CNTNAP4: variants seen among roughly 807,000 people sequenced by gnomAD.
The protein encoded by CNTNAP4 is contactin-associated protein-like 4.
A neutral mutation model predicts 148.4 loss-of-function variants in CNTNAP4; 98 were observed. That is an observed-to-expected ratio of 0.66 (90% confidence interval 0.56 to 0.78). The LOEUF (loss-of-function observed/expected upper bound fraction) is 0.78, where lower values mean the gene tolerates loss of function less well. Among genes scored for constraint, CNTNAP4 ranks in the 30% least tolerant of loss-of-function variants. The probability of loss-of-function intolerance (pLI) is 0.00; values close to 1 mark genes in which losing one functional copy is unlikely to be tolerated. For synonymous variants in CNTNAP4, 730 were observed against 565.1 expected (o/e 1.29, Z -4.14); for missense variants, 1,935 against 1,565.6 (o/e 1.24, Z -3.98).
intron 2 of CNTNAP4, among the ~76,000 whole-genome samples, chr16:76,344,822 G>T (rs1470200370): frequency 6.6e-6 from 1 of 152,170 alleles, no homozygotes; most frequent in Non-Finnish European, 1.5e-5. Context: ...TAAATACTCA[G>T]ATTTTCTGAT....
In CNTNAP4 at chr16:76,516,010, C is replaced by T. The variant is rs150917438; in HGVS notation, c.2366-5130C>T. On this transcript the variant is annotated intron_variant, in intron 15 of 23. Transcript: ENST00000611870. ...CACATAGGTGTGTATGTGCCACAGG[C>T]GTTGGCTGCACCTATCAACCCGTCA... Among the ~76,000 whole-genome samples the T allele has an allele frequency of 5.6e-3, 854 of 152,192 alleles. 4 individuals are homozygous for T. Among genetic ancestry groups the T allele is most frequent in the African/African-American group, 0.018 (729 of 41,508 alleles).
intron 18 of CNTNAP4, among the ~76,000 whole-genome samples, chr16:76,536,567 G>C (rs2084223830): frequency 6.6e-6 from 1 of 151,908 alleles, no homozygotes; most frequent in Non-Finnish European, 1.5e-5. Flanking sequence ...TTTTATTTGA[G>C]TTTTTCAGAC....
chr16:76,442,878 T>C (rs944691241), intron 4 of CNTNAP4, among the ~76,000 whole-genome samples: 1 of 152,108 alleles, frequency 6.6e-6, no homozygotes, highest in African/African-American at 2.4e-5. Context: ...GAAAATAATA[T>C]ACTTGCTCAA....
intron 2 of CNTNAP4, among the ~76,000 whole-genome samples, chr16:76,326,286 C>T (rs1962966744): frequency 6.6e-6 from 1 of 152,100 alleles, no homozygotes; most frequent in Non-Finnish European, 1.5e-5. Flanking sequence ...GAGAATGCCT[C>T]CCCTCAGCTG....
At chr16:76,558,190 T>C (rs1410440756) in intron 23 of CNTNAP4, 2 of 222,024 alleles carry the variant, frequency 9.0e-6, no homozygotes, top group East Asian at 9.2e-5. Context: ...CATGGCCACA[T>C]GGTCCTAGAG....
chr16:76,460,072 CTT>C (rs914167337), intron 8 of CNTNAP4, among the ~76,000 whole-genome samples: 1 of 151,882 alleles, frequency 6.6e-6, no homozygotes, highest in African/African-American at 2.4e-5. Context: ...ATTAAAAAAA[CTT>C]TTTATTTGTT....
At chr16:76,475,325 A>C (rs1016193570) in intron 10 of CNTNAP4, among the ~76,000 whole-genome samples, 3 of 152,234 alleles carry the variant, frequency 2.0e-5, no homozygotes, top group Non-Finnish European at 2.9e-5. Context: ...TAATGTTGAA[A>C]CTAAACTACC....
chr16:76,353,640 TAG>T (rs2012156943), intron 2 of CNTNAP4, among the ~76,000 whole-genome samples: 1 of 152,044 alleles, frequency 6.6e-6, no homozygotes, highest in Non-Finnish European at 1.5e-5. Flanking sequence ...CCACCAAGCC[TAG>T]CTAGCTAGCC....
chr16:76,445,186 G>T (rs1403179019), intron 4 of CNTNAP4, among the ~76,000 whole-genome samples: 1 of 152,152 alleles, frequency 6.6e-6, no homozygotes, highest in African/African-American at 2.4e-5. Flanking sequence ...TACTGATTAA[G>T]ATCTCCCTTT....
chr16:76,466,737 A>G (rs1035417774), intron 9 of CNTNAP4, among the ~76,000 whole-genome samples: 34 of 152,230 alleles, frequency 2.2e-4, no homozygotes, highest in African/African-American at 7.7e-4. Flanking sequence ...ACATCCTTTT[A>G]TGAGGCAAAG....
At chr16:76,486,978 G>T (rs1013624621) in intron 12 of CNTNAP4, among the ~76,000 whole-genome samples, 5 of 152,166 alleles carry the variant, frequency 3.3e-5, no homozygotes, top group Non-Finnish European at 7.3e-5. Context: ...CTCTGTGTCT[G>T]TTAGTATAGA....
chr16:76,316,362 C>CGAAAGCCTCAGCACTAACTAACCCTA (rs2081491982), intron 1 of CNTNAP4, 51 bp from the exon 2 acceptor site: 4 of 1,208,558 alleles, frequency 3.3e-6, no homozygotes, highest in Non-Finnish European at 4.9e-6. Flanking sequence ...ATTGATTCCA[C>CGAAAGCCTCAGCACTAACTAACCCTA]GAAAGCCTCA....
At chr16:76,294,149 C>T (rs1326830428) in intron 1 of CNTNAP4, among the ~76,000 whole-genome samples, 2 of 152,078 alleles carry the variant, frequency 1.3e-5, no homozygotes, top group Non-Finnish European at 2.9e-5. Flanking sequence ...TTTCTTCTTC[C>T]AGTCAGGGTG....
At chr16:76,422,368 TTTTGAC>T (rs1163307765) in intron 3 of CNTNAP4, among the ~76,000 whole-genome samples, 1 of 151,564 alleles carries the variant, frequency 6.6e-6, no homozygotes, top group African/African-American at 2.4e-5. Context: ...TATCATTTAT[TTTTGAC>T]TCCAATAATT....
At chr16:76,318,310 A>T (rs1490320604) in intron 2 of CNTNAP4, among the ~76,000 whole-genome samples, 1 of 152,218 alleles carries the variant, frequency 6.6e-6, no homozygotes, top group Non-Finnish European at 1.5e-5. Context: ...TCCTTTGTTG[A>T]GGTTCAATAC....
At chr16:76,337,914 A>C (rs528451271) in intron 2 of CNTNAP4, among the ~76,000 whole-genome samples, 1 of 152,306 alleles carries the variant, frequency 6.6e-6, no homozygotes, top group African/African-American at 2.4e-5. Context: ...TCAGACCTTA[A>C]GGTTATCTTC....
In CNTNAP4 at chr16:76,330,116, C is replaced by G. The variant is rs563427092; in HGVS notation, c.196+13593C>G. The stretch of plus-strand genomic sequence containing the variant: ...TGCAAGGTGTTTTTTCTCACTTTAT[C>G]AACTTAAGTTAAATACATCACCTCC... On this transcript the variant is annotated intron_variant, in intron 2 of 23. Coordinates refer to ENST00000611870, the MANE Select transcript of CNTNAP4 (RefSeq NM_033401.5). Among the ~76,000 whole-genome samples, 162 of 152,292 alleles carry G rather than the reference C, an allele frequency of 1.1e-3. 1 individual carries two copies. Among genetic ancestry groups the G allele is most frequent in the Non-Finnish European group, 1.6e-3 (112 of 68,012 alleles).
intron 15 of CNTNAP4, among the ~76,000 whole-genome samples, chr16:76,512,709 A>G (rs568104898): frequency 6.6e-6 from 1 of 152,296 alleles, no homozygotes; most frequent in South Asian, 2.1e-4. Context: ...GGATGAAGAA[A>G]TAACAACAGG....
chr16:76,379,143 T>C (rs1263707289), intron 3 of CNTNAP4, among the ~76,000 whole-genome samples: 1 of 152,106 alleles, frequency 6.6e-6, no homozygotes, highest in Non-Finnish European at 1.5e-5. Flanking sequence ...TGTCATAGGG[T>C]CTAACTGAAT....
Sources: allele counts gnomAD v4.1 joint callset (sites outside exome capture counted in the v4.1 genomes callset), GRCh38; gene constraint gnomAD v4.1.1; transcripts MANE v1.5; gene names NCBI Gene and HGNC (gene_info 2026-07-23, HGNC 2026-07-21).